The following SMAD2 variants were observed in gnomAD, a reference collection of about 807,000 sequenced individuals.
SMAD2 encodes the protein SMAD family member 2, also known as MAD homolog 2.
A neutral mutation model predicts 64.4 loss-of-function variants in SMAD2; 8 were observed. The observed-to-expected ratio is 0.12, with a 90% CI of 0.07 to 0.22. The LOEUF (loss-of-function observed/expected upper bound fraction) is 0.22. Among genes scored for constraint, SMAD2 ranks in the 10% least tolerant of loss-of-function variants. The pLI, the probability that SMAD2 is intolerant of heterozygous loss-of-function variation, is 1.00. For missense variants in SMAD2, 289 were observed against 561.2 expected (o/e 0.51, Z 4.90); for synonymous variants, 203 against 195.8 (o/e 1.04, Z -0.31).
intron 1 of SMAD2, among the ~76,000 whole-genome samples, chr18:47,910,124 A>G (rs562908029): frequency 3.3e-5 from 5 of 151,994 alleles, no homozygotes; most frequent in South Asian, 2.1e-4. Flanking sequence ...ACTTCACAGC[A>G]TTTACACCAG....
intron 6 of SMAD2, among the ~76,000 whole-genome samples, chr18:47,858,093 A>G (rs1466415191): frequency 6.6e-6 from 1 of 152,174 alleles, no homozygotes; most frequent in Non-Finnish European, 1.5e-5. Flanking sequence ...TTAATCTCTA[A>G]TATTATTATA....
Position 47,831,385 on chromosome 18 carries a change from T to C in SMAD2, c.*10442A>G, listed in dbSNP as rs1340350608. On this transcript the variant is annotated 3_prime_UTR_variant, in exon 11 of 11. Coordinates refer to ENST00000262160, the MANE Select transcript of SMAD2 (RefSeq NM_005901.6). ...CCCTGGGCTTACTGTATTCTGCCCATCTTCTTCCTGGACCAAACTGTTCAG... is the reference window on the plus strand; with the variant it reads ...CCCTGGGCTTACTGTATTCTGCCCACCTTCTTCCTGGACCAAACTGTTCAG... The C allele has an allele frequency of 6.6e-6, 1 of 152,262 alleles. No homozygotes were observed. The highest frequency in any genetic ancestry group is 2.4e-5 in the African/African-American group (1 of 41,472). The allele number at this position is 152,262 out of a possible 1,614,324, so 9.4% of individuals were successfully genotyped here. A position where few individuals can be genotyped will look rare whatever the true frequency, so the allele number is the denominator to read the frequency against.
chr18:47,868,155 TAC>T (rs2031700702), intron 5 of SMAD2, 166 bp downstream of exon 5: 1 of 644,030 alleles, frequency 1.6e-6, no homozygotes, highest in Non-Finnish European at 2.8e-6. Context: ...CTGTTTAATG[TAC>T]TAGGCTTATA....
chr18:47,879,822 G>C lies in SMAD2; in HGVS notation c.237-9258C>G, dbSNP rs1463123313. On this transcript the variant is annotated intron_variant, in intron 2 of 10. Coordinates refer to ENST00000262160, the MANE Select transcript of SMAD2 (RefSeq NM_005901.6). ...TTTCAATGTATGAGAGAGAGCTCCT[G>C]GTTATTCCAAAGCCTCATCAACATT... Among the ~76,000 whole-genome samples the C allele has an allele frequency of 2.0e-5, 3 of 151,968 alleles. No individual in the cohort carries two copies. The East Asian group carries it at 5.8e-4, about 29-fold the overall frequency.
At chr18:47,918,032 A>T (rs749768148) in intron 1 of SMAD2, among the ~76,000 whole-genome samples, 5 of 152,236 alleles carry the variant, frequency 3.3e-5, no homozygotes, top group Non-Finnish European at 5.9e-5. Flanking sequence ...GAAACCTCAA[A>T]AAGTTAAGGA....
intron 6 of SMAD2, among the ~76,000 whole-genome samples, chr18:47,864,542 G>A (rs1020060643): frequency 1.3e-5 from 2 of 152,076 alleles, no homozygotes; most frequent in African/African-American, 4.8e-5. Context: ...ATTTTATTAC[G>A]TAAGACGTGA....
At chr18:47,914,264 C>T in intron 1 of SMAD2, among the ~76,000 whole-genome samples, 1 of 152,184 alleles carries the variant, frequency 6.6e-6, no homozygotes, top group East Asian at 1.9e-4. Context: ...TTTTGGAACA[C>T]ACAAAGCTGT....
rs1481726575 is a variant in SMAD2 at position 47,891,148 on chromosome 18, A to G, written c.236+5373T>C. Among the ~76,000 whole-genome samples, 7 of 152,226 alleles carry G rather than the reference A, an allele frequency of 4.6e-5. No homozygotes were observed. The East Asian group carries it at 1.4e-3, about 30-fold the overall frequency. On this transcript the variant is annotated intron_variant, in intron 2 of 10. Coordinates refer to ENST00000262160, the MANE Select transcript of SMAD2 (RefSeq NM_005901.6). The stretch of plus-strand genomic sequence containing the variant: ...GGAGAAACCCTGTCTCTACTAAAAA[A>G]TACAAAATTAGACAGGCATGGTGGC...
intron 6 of SMAD2, among the ~76,000 whole-genome samples, chr18:47,860,005 T>C (rs1448015690): frequency 1.3e-5 from 2 of 152,076 alleles, no homozygotes; most frequent in African/African-American, 4.8e-5. Flanking sequence ...TGCAGTAGCA[T>C]GTACCTGTGG....
At chr18:47,860,964 A>C (rs987107477) in intron 6 of SMAD2, among the ~76,000 whole-genome samples, 1 of 152,192 alleles carries the variant, frequency 6.6e-6, no homozygotes, top group South Asian at 2.1e-4. Flanking sequence ...TCCTATAATC[A>C]GAACAATGCA....
Position 47,829,118 on chromosome 18 carries a change from G to C in SMAD2, c.*12709C>G, listed in dbSNP as rs1280443975. ...AACAGAAAAAGTTCAGGAGCCACCA[G>C]AGGATGTTAAGGAGGCTTCCTAGAG... is the stretch of plus-strand genomic sequence containing the variant. On this transcript the variant is annotated 3_prime_UTR_variant, in exon 11 of 11. Transcript: ENST00000262160. 1 of 152,104 alleles carries C rather than the reference G, an allele frequency of 6.6e-6. No homozygotes were observed. Among genetic ancestry groups the C allele is most frequent in the Non-Finnish European group, 1.5e-5 (1 of 68,046 alleles). The allele number at this position is 152,104 out of a possible 1,614,324, so 9.4% of individuals were successfully genotyped here. A position where few individuals can be genotyped will look rare whatever the true frequency, so the allele number is the denominator to read the frequency against.
At position 47,821,030 on chromosome 18, in the gene SMAD2, T is replaced by C. The variant is rs1912556421; in HGVS notation, c.*20797A>G. 6.6e-6 allele frequency: 1 copy of C among 152,048 alleles called. No individual in the cohort carries two copies. Among genetic ancestry groups the C allele is most frequent in the Non-Finnish European group, 1.5e-5 (1 of 67,976 alleles). 9.4% of individuals were successfully genotyped at this position (152,048 alleles called of 1,614,324 possible). On this transcript the variant is annotated 3_prime_UTR_variant, in exon 11 of 11. Transcript: ENST00000262160. ...GAGGTTTTAATTTTTAATTCTAAAA[T>C]CAGCCATCTTCTAAACCACAGTTTA...
chr18:47,893,575 T>C (rs2033306884), intron 2 of SMAD2, among the ~76,000 whole-genome samples: 1 of 152,244 alleles, frequency 6.6e-6, no homozygotes, highest in Non-Finnish European at 1.5e-5. Flanking sequence ...TAATTCTGTT[T>C]AAGCTAAGGT....
At position 47,824,910 on chromosome 18, in the gene SMAD2, G is replaced by A. The variant is rs1218408008; in HGVS notation, c.*16917C>T. ...ATTTTAGATTTTCCTTATGATTTTA[G>A]TAGCTTTCTCTAATGGAATGTGCTG... On this transcript the variant is annotated 3_prime_UTR_variant, in exon 11 of 11. Transcript: ENST00000262160. 1 of 152,112 alleles carries A rather than the reference G, an allele frequency of 6.6e-6. No individual in the cohort carries two copies. The highest frequency in any genetic ancestry group is 1.5e-5 in the Non-Finnish European group (1 of 68,032). 9.4% of individuals were successfully genotyped at this position (152,112 alleles called of 1,614,324 possible).
chr18:47,908,937 C>T (rs1368228811), intron 1 of SMAD2, among the ~76,000 whole-genome samples: 1 of 152,098 alleles, frequency 6.6e-6, no homozygotes, highest in Admixed American at 6.5e-5. Flanking sequence ...TGACAGTGCT[C>T]CCAAGAAGCA....
chr18:47,903,881 G>A (rs572648412), intron 1 of SMAD2, among the ~76,000 whole-genome samples: 2 of 142,500 alleles, frequency 1.4e-5, no homozygotes, highest in African/African-American at 2.6e-5. Flanking sequence ...CAGTGTGGGG[G>A]GGGGGGGGAC....
chr18:47,922,083 C>T (rs2034583523), intron 1 of SMAD2, among the ~76,000 whole-genome samples: 1 of 152,168 alleles, frequency 6.6e-6, no homozygotes, highest in African/African-American at 2.4e-5. Context: ...AAGTCAAGAA[C>T]AGATAGTGAT....
At chr18:47,905,836 G>A (rs561244263) in intron 1 of SMAD2, among the ~76,000 whole-genome samples, 3 of 152,278 alleles carry the variant, frequency 2.0e-5, no homozygotes, top group Admixed American at 6.5e-5. Flanking sequence ...GTTGAGCCAC[G>A]CATGGTGGCT....
intron 1 of SMAD2, among the ~76,000 whole-genome samples, chr18:47,900,087 A>G (rs1209976508): frequency 2.0e-5 from 3 of 152,200 alleles, no homozygotes; most frequent in Non-Finnish European, 4.4e-5. Flanking sequence ...TAAAAATGTA[A>G]TATGAGCTAC....
Sources: gnomAD v4.1 joint callset for allele counts (sites outside exome capture counted in the v4.1 genomes callset) on GRCh38, gnomAD v4.1.1 for gene constraint, MANE v1.5 for transcripts, NCBI Gene and HGNC (gene_info 2026-07-23, HGNC 2026-07-21) for gene names.